The following CCDC148 variants were observed in gnomAD, a reference collection of about 807,000 sequenced individuals.
CCDC148 encodes coiled-coil domain containing 148, also known as coiled-coil domain-containing protein 148.
Under a neutral mutation model 85.7 loss-of-function variants are expected in CCDC148, and 89 were observed. The observed-to-expected ratio is 1.04, with a 90% CI of 0.87 to 1.24. CCDC148 has a LOEUF of 1.24. CCDC148 is among the 50% of genes most tolerant of loss of function. CCDC148 has a pLI of 0.00. For synonymous variants in CCDC148, 230 were observed against 213.9 expected (o/e 1.08, Z -0.66); for missense variants, 692 against 671.7 (o/e 1.03, Z -0.33).
At position 158,214,749 on chromosome 2, in the gene CCDC148, T is replaced by C. The variant is rs1231187370; in HGVS notation, c.1370+5846A>G. On this transcript the variant is annotated intron_variant, in intron 11 of 13. Transcript: ENST00000283233. ...CTGAAGGAAACTTATAATTGGCTTCTTGGTCACCAATTTCTACCTATTTCA... is the reference window on the plus strand; with the variant it reads ...CTGAAGGAAACTTATAATTGGCTTCCTGGTCACCAATTTCTACCTATTTCA... Among the ~76,000 whole-genome samples, 3 of 152,112 alleles carry C rather than the reference T, an allele frequency of 2.0e-5. No individual in the cohort carries two copies. The South Asian group carries it at 6.2e-4, about 32-fold the overall frequency.
At chr2:158,330,025 C>A (rs991320459) in intron 7 of CCDC148, among the ~76,000 whole-genome samples, 3 of 152,104 alleles carry the variant, frequency 2.0e-5, no homozygotes, top group African/African-American at 7.2e-5. Context: ...ATTGCCCTGG[C>A]CAGAACTTCC....
At chr2:158,291,896 C>T (rs1195387074) in intron 9 of CCDC148, among the ~76,000 whole-genome samples, 1 of 152,188 alleles carries the variant, frequency 6.6e-6, no homozygotes, top group East Asian at 1.9e-4. Context: ...TAACAAGCAA[C>T]TTGTGTCACT....
At chr2:158,446,759 C>G (rs1001534221) in intron 1 of CCDC148, among the ~76,000 whole-genome samples, 5 of 152,112 alleles carry the variant, frequency 3.3e-5, no homozygotes, top group African/African-American at 1.2e-4. Context: ...TCAGTCATAA[C>G]CACTTGTATT....
intron 7 of CCDC148, among the ~76,000 whole-genome samples, chr2:158,316,397 A>T (rs1249590874): frequency 6.6e-6 from 1 of 152,220 alleles, no homozygotes; most frequent in Non-Finnish European, 1.5e-5. Flanking sequence ...CCACTTAAAC[A>T]TATGAAATGA....
chr2:158,176,216 A>G (rs372467023), intron 13 of CCDC148, among the ~76,000 whole-genome samples: 70 of 152,060 alleles, frequency 4.6e-4, no homozygotes, highest in Non-Finnish European at 8.7e-4. Context: ...ACAAAATACA[A>G]TATTAATACA....
intron 7 of CCDC148, among the ~76,000 whole-genome samples, chr2:158,317,571 T>G (rs1214420320): frequency 1.3e-5 from 2 of 152,214 alleles, no homozygotes; most frequent in African/African-American, 4.8e-5. Context: ...TTCTACCTGT[T>G]TGAATTATTC....
At chr2:158,387,361 G>T (rs1369227780) in intron 1 of CCDC148, among the ~76,000 whole-genome samples, 1 of 151,656 alleles carries the variant, frequency 6.6e-6, no homozygotes, top group Non-Finnish European at 1.5e-5. Flanking sequence ...AACAGTGTAG[G>T]GTTCATTATA....
intron 9 of CCDC148, among the ~76,000 whole-genome samples, chr2:158,276,168 C>T (rs549911779): frequency 7.8e-4 from 119 of 152,256 alleles, no homozygotes; most frequent in South Asian, 2.7e-3. Context: ...CAGTGGCTCA[C>T]GCCTGTAATC....
intron 9 of CCDC148, among the ~76,000 whole-genome samples, chr2:158,276,301 G>A (rs1689939559): frequency 6.6e-6 from 1 of 152,130 alleles, no homozygotes; most frequent in African/African-American, 2.4e-5. Context: ...GGGCCTGGTG[G>A]CATGCACCTG....
chr2:158,335,177 G>A (rs547700881), intron 7 of CCDC148, among the ~76,000 whole-genome samples: 15 of 152,192 alleles, frequency 9.9e-5, no homozygotes, highest in Middle Eastern at 3.4e-3. Flanking sequence ...GTCTTCCTTC[G>A]GTCACCAGAT....
At chr2:158,421,904 G>T (rs958061136) in intron 1 of CCDC148, among the ~76,000 whole-genome samples, 1 of 151,074 alleles carries the variant, frequency 6.6e-6, no homozygotes, top group African/African-American at 2.4e-5. Context: ...TGATAAAGGG[G>T]TTATCACCAC....
At chr2:158,449,990 A>AT (rs5835706) in intron 1 of CCDC148, among the ~76,000 whole-genome samples, 76,516 of 143,950 alleles carry the variant, frequency 0.53, 22,540 homozygotes, top group South Asian at 0.71. Context: ...TGTCATCTTC[A>AT]TTTTTTTTTT....
intron 1 of CCDC148, among the ~76,000 whole-genome samples, chr2:158,432,197 G>T (rs369563294): frequency 5.5e-4 from 83 of 149,864 alleles, no homozygotes; most frequent in African/African-American, 2.0e-3. Context: ...AAAGGGAGCA[G>T]AAAAAGGCAA....
At chr2:158,418,640 T>G (rs940819745) in intron 1 of CCDC148, among the ~76,000 whole-genome samples, 2 of 135,724 alleles carry the variant, frequency 1.5e-5, no homozygotes, top group African/African-American at 5.2e-5. Context: ...CTGCCCAAAA[T>G]AACATCCCCA....
At position 158,429,386 on chromosome 2, in the gene CCDC148, T is replaced by TAGATAGAC. The variant is rs1553521127; in HGVS notation, c.25+27028_25+27029insGTCTATCT. The stretch of plus-strand genomic sequence containing the variant: ...ATAGATAGATAGATAGATAGATAGA[T>TAGATAGAC]AGATAGATAGATAGATAGGAATACT... On this transcript the variant is annotated intron_variant, in intron 1 of 13. Coordinates refer to ENST00000283233, the MANE Select transcript of CCDC148 (RefSeq NM_138803.4). Among the ~76,000 whole-genome samples the TAGATAGAC allele has an allele frequency of 1.2e-3, 180 of 151,998 alleles. 1 individual carries two copies. Among genetic ancestry groups the TAGATAGAC allele is most frequent in the African/African-American group, 4.2e-3 (172 of 41,432 alleles).
intron 1 of CCDC148, among the ~76,000 whole-genome samples, chr2:158,381,725 C>T (rs1029005051): frequency 3.3e-5 from 5 of 151,774 alleles, no homozygotes; most frequent in African/African-American, 1.2e-4. Flanking sequence ...ACTGACTCTA[C>T]AAAAAAAATG....
chr2:158,332,708 G>T (rs1693201938), intron 7 of CCDC148, among the ~76,000 whole-genome samples: 1 of 151,916 alleles, frequency 6.6e-6, no homozygotes, highest in African/African-American at 2.4e-5. Context: ...CTCAATTTTA[G>T]AACTTGTTAT....
intron 10 of CCDC148, among the ~76,000 whole-genome samples, chr2:158,221,536 A>G (rs953319311): frequency 6.6e-6 from 1 of 152,154 alleles, no homozygotes; most frequent in Non-Finnish European, 1.5e-5. Flanking sequence ...TGAGTACCTC[A>G]ATGGTAAATA....
intron 7 of CCDC148, among the ~76,000 whole-genome samples, chr2:158,336,210 T>G (rs1682371728): frequency 1.3e-5 from 2 of 152,144 alleles, no homozygotes; most frequent in African/African-American, 4.8e-5. Context: ...GAACCTATAA[T>G]TCATTGTCTT....
Sources: gnomAD v4.1 joint callset for allele counts (sites outside exome capture counted in the v4.1 genomes callset) on GRCh38, gnomAD v4.1.1 for gene constraint, MANE v1.5 for transcripts, NCBI Gene and HGNC (gene_info 2026-07-23, HGNC 2026-07-21) for gene names.